Variants in CTSB observed in about 807,000 individuals in gnomAD.
CTSB encodes APP secretase.
Under a neutral mutation model 44.3 loss-of-function variants are expected in CTSB, and 57 were observed. That is an observed-to-expected ratio of 1.29 (90% CI 1.04 to 1.60). The LOEUF is 1.60. Among genes scored for constraint, CTSB ranks in the 40% most tolerant of loss-of-function variants. CTSB has a pLI of 0.00. For missense variants in CTSB, 768 were observed against 443.0 expected, an observed-to-expected ratio of 1.73 and a Z score of -6.59; for synonymous variants, 320 against 168.0, an observed-to-expected ratio of 1.91 and a Z score of -7.00.
chr8:11,861,839 G>C (rs576261022), intron 1 of CTSB, among the ~76,000 whole-genome samples: 15 of 152,284 alleles, frequency 9.9e-5, no homozygotes, highest in South Asian at 4.2e-4. Flanking sequence ...TGCAGAACAC[G>C]GCGGTTCCCT....
In CTSB at chr8:11,849,182, A is replaced by G. The variant is rs537317363; in HGVS notation, c.328-18T>C. 1.2e-5 allele frequency: 19 copies of G among 1,604,246 alleles called. No individual in the cohort carries two copies. In the East Asian group the frequency reaches 4.2e-4, roughly 36 times the overall value. ...CCGAAGGCCTGCAGGAACGAGCCCC[A>G]CCGGGTGAGGCTGCCATGTCCGGGC... On this transcript the variant is annotated intron_variant, in intron 4 of 9. Transcript: ENST00000353047.
intron 3 of CTSB, among the ~76,000 whole-genome samples, 166 bp from the exon 4 acceptor site, chr8:11,851,146 G>T (rs767130383): frequency 1.5e-4 from 22 of 148,324 alleles, no homozygotes; most frequent in Admixed American, 6.0e-4. Context: ...TAAAACAAAA[G>T]GAAATTCTGT....
At position 11,853,393 on chromosome 8, in the gene CTSB, G is replaced by C. The variant is rs369393342; in HGVS notation, c.62C>G (p.Pro21Arg). 2.5e-6 allele frequency: 4 copies of C among 1,612,518 alleles called. No homozygotes were observed. The highest frequency in any genetic ancestry group is 3.4e-6 in the Non-Finnish European group (4 of 1,179,704). Reference sequence around the variant, plus strand: ...CTCATCCGACAGGGGATGGAAAGAGGGCCTGCTCCGGGCATTGGCCAACAC... The same window carrying C: ...CTCATCCGACAGGGGATGGAAAGAGCGCCTGCTCCGGGCATTGGCCAACAC... The part of the protein sequence containing the change: ...LLVLANARSR[P>R]SFHPLSDELV... Residue 21 changes from proline (P) to arginine (R), a missense_variant, in exon 2 of 10, where the codon CCC (proline) becomes CGC (arginine). Physicochemically the swap from Pro to Arg is moderately radical, Grantham distance 103. Transcript: ENST00000353047.
rs1563401242 is a variant in CTSB at position 11,850,879 on chromosome 8, C to T, written c.314G>A (p.Cys105Tyr). The change falls in exon 4 of 10, where the codon TGT becomes TAT. Residue 105 changes from cysteine (C) to tyrosine (Y), a missense_variant. By Grantham distance (194) the Cys-to-Tyr change is radical. Transcript: ENST00000353047. ...GCAGGGCCTTACCCAGCAGGAGCCA[C>T]AGGAGCCCTGGTCTCTGATCTCTTT... ...TIKEIRDQGS[C>Y]GSCWAFGAVE... 3.1e-6 allele frequency: 5 copies of T among 1,612,848 alleles called. No individual in the cohort carries two copies. In the Admixed American group the frequency reaches 6.7e-5, roughly 22 times the overall value.
chr8:11,854,325 C>G (rs1220362308), intron 1 of CTSB, among the ~76,000 whole-genome samples: 1 of 152,160 alleles, frequency 6.6e-6, no homozygotes, highest in Non-Finnish European at 1.5e-5. Flanking sequence ...TCCCACAGGT[C>G]ACAGGTCGTC....
Position 11,844,112 on chromosome 8 carries a change from G to A in CTSB, c.*1013C>T, listed in dbSNP as rs1008129657. 6.6e-6 allele frequency: 1 copy of A among 152,268 alleles called. No homozygotes were observed. The highest frequency in any genetic ancestry group is 2.4e-5 in the African/African-American group (1 of 41,460). The allele number at this position is 152,268 out of a possible 1,614,324, so 9.4% of individuals were successfully genotyped here. A position where few individuals can be genotyped will look rare whatever the true frequency, so the allele number is the denominator to read the frequency against. On this transcript the variant is annotated 3_prime_UTR_variant, in exon 10 of 10. Transcript: ENST00000353047. ...GGCAAGCTTACCAGGCACTTACAGA[G>A]AAGGTTGACGAGGATGACAGGGAAC...
chr8:11,850,578 G>T, intron 4 of CTSB: 1 of 284,440 alleles, frequency 3.5e-6, no homozygotes, highest in Admixed American at 4.5e-5. Context: ...GTAGCAGTGA[G>T]AGCTCCTGGT....
intron 1 of CTSB, among the ~76,000 whole-genome samples, chr8:11,855,152 A>G (rs1292619852): frequency 1.3e-5 from 2 of 152,130 alleles, no homozygotes. Flanking sequence ...CTTCCCGAGC[A>G]GCGGGATTAC....
intron 4 of CTSB, chr8:11,849,641 C>G (rs1237395104): frequency 1.3e-5 from 2 of 151,970 alleles, no homozygotes; most frequent in Admixed American, 6.5e-5. Context: ...AATGCAGTGG[C>G]GCAATCTCAG....
chr8:11,847,615 TGAG>T, intron 7 of CTSB, 61 bp downstream of exon 7: 2 of 1,484,282 alleles, frequency 1.3e-6, no homozygotes, highest in East Asian at 2.4e-5. Context: ...CGCTGCAGCG[TGAG>T]GAGGGATGCA....
intron 1 of CTSB, among the ~76,000 whole-genome samples, chr8:11,854,269 T>C (rs1050102506): frequency 5.3e-5 from 8 of 152,268 alleles, no homozygotes; most frequent in African/African-American, 1.9e-4. Flanking sequence ...CAGGGGTTCC[T>C]GTCAGTCACT....
chr8:11,852,183 C>T (rs537254627), intron 3 of CTSB, among the ~76,000 whole-genome samples: 1 of 152,206 alleles, frequency 6.6e-6, no homozygotes, highest in Non-Finnish European at 1.5e-5. Flanking sequence ...CGAGCCTGGC[C>T]AGTATGGCGA....
Position 11,844,142 on chromosome 8 carries a change from TG to T in CTSB, c.*982del, listed in dbSNP as rs951316378. 2.8e-4 allele frequency: 43 copies of T among 152,156 alleles called. No homozygotes were observed. Among genetic ancestry groups the T allele is most frequent in the African/African-American group, 1.0e-3 (42 of 41,500 alleles). 9.4% of individuals were successfully genotyped at this position (152,156 alleles called of 1,614,324 possible). A position where few individuals can be genotyped will look rare whatever the true frequency, so the allele number is the denominator to read the frequency against. On this transcript the variant is annotated 3_prime_UTR_variant, in exon 10 of 10. Coordinates refer to ENST00000353047, the MANE Select transcript of CTSB (RefSeq NM_001908.5). ...TTGACGAGGATGACAGGGAACTAAT[TG>T]GGGGAGGGATGCCATGGTTGAAAAC...
At chr8:11,859,754 CGA>C (rs1236044018) in intron 1 of CTSB, among the ~76,000 whole-genome samples, 1 of 107,804 alleles carries the variant, frequency 9.3e-6, no homozygotes, top group Non-Finnish European at 1.7e-5. Flanking sequence ...GGCAACAGAG[CGA>C]GACTCTGTCT....
chr8:11,845,833 C>T (rs1211849485), intron 8 of CTSB, 44 bp from the exon 9 acceptor site: 3 of 1,565,790 alleles, frequency 1.9e-6, no homozygotes, highest in East Asian at 2.3e-5. Context: ...GGGCCACTGT[C>T]CCACGCCCCA....
chr8:11,863,452 C>T lies in CTSB; in HGVS notation c.-26+4549G>A, dbSNP rs146007555. Among the ~76,000 whole-genome samples, 697 of 150,828 alleles carry T rather than the reference C, an allele frequency of 4.6e-3. 4 individuals are homozygous for T. The highest frequency in any genetic ancestry group is 0.016 in the African/African-American group (658 of 40,888). On this transcript the variant is annotated intron_variant, in intron 1 of 9. Transcript: ENST00000353047. ...CCAGCCTGGCGACACAGTGAGACTCCGTTTCAAAAAAAAAACAAAAAAACC... is the reference window on the plus strand; with the variant it reads ...CCAGCCTGGCGACACAGTGAGACTCTGTTTCAAAAAAAAAACAAAAAAACC...
rs944260648 is a variant in CTSB, at chr8:11,867,718, G to C, written c.-26+283C>G. 4 of 152,350 alleles carry C rather than the reference G, an allele frequency of 2.6e-5. No individual in the cohort carries two copies. The East Asian group carries it at 7.7e-4, about 30-fold the overall frequency. 9.4% of individuals were successfully genotyped at this position (152,350 alleles called of 1,614,324 possible). A position where few individuals can be genotyped will look rare whatever the true frequency, so the allele number is the denominator to read the frequency against. ...GGCCGCGTCCCCGCTCCGAGGGCCG[G>C]GGTCCGGCGCACAGCCCGGGGAGGG... On this transcript the variant is annotated intron_variant, in intron 1 of 9. Coordinates refer to ENST00000353047, the MANE Select transcript of CTSB (RefSeq NM_001908.5).
chr8:11,855,254 T>A (rs1430911738), intron 1 of CTSB, among the ~76,000 whole-genome samples: 1 of 152,060 alleles, frequency 6.6e-6, no homozygotes, highest in Non-Finnish European at 1.5e-5. Context: ...ACGCCTGACC[T>A]CGTGATCCAC....
intron 1 of CTSB, among the ~76,000 whole-genome samples, chr8:11,860,198 G>T (rs1288666924): frequency 6.6e-6 from 1 of 152,212 alleles, no homozygotes; most frequent in Non-Finnish European, 1.5e-5. Flanking sequence ...AATAAGCCAA[G>T]TTGCTAGCTC....
Sources: allele counts gnomAD v4.1 joint callset (sites outside exome capture counted in the v4.1 genomes callset), GRCh38; gene constraint gnomAD v4.1.1; transcripts MANE v1.5; gene names NCBI Gene and HGNC (gene_info 2026-07-23, HGNC 2026-07-21).